GALNTL6: variants seen among roughly 807,000 people sequenced by gnomAD.
The protein encoded by GALNTL6 is polypeptide N-acetylgalactosaminyltransferase-like 6.
GALNTL6 carries 46 observed loss-of-function variants against 73.7 expected under a neutral mutation model. The ratio of observed to expected loss-of-function variants is 0.62; its 90% CI spans 0.49 to 0.80. The LOEUF (loss-of-function observed/expected upper bound fraction) is 0.80, where lower values mean the gene tolerates loss of function less well. GALNTL6 is among the 30% of genes least tolerant of loss of function. The pLI, the probability that GALNTL6 is intolerant of heterozygous loss-of-function variation, is 0.00. For synonymous variants in GALNTL6, 259 were observed against 263.7 expected (o/e 0.98, Z 0.17); for missense variants, 604 against 755.0 (o/e 0.80, Z 2.34).
chr4:172,589,386 G>C (rs1737548826), intron 5 of GALNTL6, among the ~76,000 whole-genome samples: 1 of 152,164 alleles, frequency 6.6e-6, no homozygotes, highest in Admixed American at 6.5e-5. Flanking sequence ...TTGAACTTGA[G>C]AATCTTTTAT....
At chr4:172,493,533 C>T (rs1248892402) in intron 5 of GALNTL6, among the ~76,000 whole-genome samples, 2 of 152,078 alleles carry the variant, frequency 1.3e-5, no homozygotes, top group Non-Finnish European at 2.9e-5. Flanking sequence ...CCAATATTTC[C>T]AACACTTACT....
At chr4:172,001,373 A>G (rs535406301) in intron 2 of GALNTL6, among the ~76,000 whole-genome samples, 1 of 152,262 alleles carries the variant, frequency 6.6e-6, no homozygotes, top group South Asian at 2.1e-4. Flanking sequence ...GGGTACAAAT[A>G]CTGTCATTTA....
intron 12 of GALNTL6, among the ~76,000 whole-genome samples, chr4:173,033,385 CAAA>C (rs56814083): frequency 0.3 from 42,347 of 142,484 alleles, 6,246 homozygotes; most frequent in Non-Finnish European, 0.34. Flanking sequence ...TTCTAGCTGT[CAAA>C]AAAAAAAAAA....
chr4:172,422,530 C>G (rs979120844), intron 5 of GALNTL6, among the ~76,000 whole-genome samples: 1 of 151,948 alleles, frequency 6.6e-6, no homozygotes, highest in African/African-American at 2.4e-5. Flanking sequence ...TGTCCCAAGA[C>G]TTCGTTCTTG....
rs549022808 is a variant in GALNTL6, at chr4:173,002,727, G to A, written c.1372-6451G>A. 4.0e-5 allele frequency among the ~76,000 whole-genome samples: 6 copies of A among 151,120 alleles called. No individual in the cohort carries two copies. The South Asian group carries it at 8.4e-4, about 21-fold the overall frequency. On this transcript the variant is annotated intron_variant, in intron 10 of 12. Transcript: ENST00000506823. ...GGAGAATCACTTGAACCCAGGAGGC[G>A]GAGGTTGCAGTGAGCCGAGATCGGG... is the stretch of plus-strand genomic sequence containing the variant.
intron 5 of GALNTL6, among the ~76,000 whole-genome samples, chr4:172,377,391 G>T (rs909309316): frequency 6.6e-6 from 1 of 152,220 alleles, no homozygotes; most frequent in Admixed American, 6.5e-5. Context: ...GACACAGAGT[G>T]CTGATTGGTG....
At chr4:172,636,392 C>T (rs1347757974) in intron 5 of GALNTL6, among the ~76,000 whole-genome samples, 1 of 152,178 alleles carries the variant, frequency 6.6e-6, no homozygotes, top group Non-Finnish European at 1.5e-5. Flanking sequence ...CAAATGTTTC[C>T]TTACATGGCA....
At chr4:172,957,392 G>T (rs181763092) in intron 10 of GALNTL6, among the ~76,000 whole-genome samples, 1 of 152,190 alleles carries the variant, frequency 6.6e-6, no homozygotes, top group Non-Finnish European at 1.5e-5. Context: ...AGAACCATTT[G>T]TCTTGTGTGG....
intron 5 of GALNTL6, among the ~76,000 whole-genome samples, chr4:172,592,099 A>T (rs76206434): frequency 0.031 from 4,724 of 152,274 alleles, 116 homozygotes; most frequent in South Asian, 0.086. Flanking sequence ...TTTTAAAAAG[A>T]GGTTTATTTA....
rs148421453 is a variant in GALNTL6 at position 172,769,990 on chromosome 4, G to A, written c.554-39371G>A. ...AACAAATGAGCTTTTATAGCTGGGC[G>A]CGGTGGCTCACACCTGTAATCCCAG... On this transcript the variant is annotated intron_variant, in intron 5 of 12. Coordinates refer to ENST00000506823, the MANE Select transcript of GALNTL6 (RefSeq NM_001034845.3). Among the ~76,000 whole-genome samples, 449 of 152,220 alleles carry A rather than the reference G, an allele frequency of 2.9e-3. 2 individuals carry two copies. Among genetic ancestry groups the A allele is most frequent in the African/African-American group, 9.2e-3 (380 of 41,516 alleles).
At chr4:172,530,091 A>G (rs1460721603) in intron 5 of GALNTL6, among the ~76,000 whole-genome samples, 2 of 151,890 alleles carry the variant, frequency 1.3e-5, no homozygotes, top group Non-Finnish European at 2.9e-5. Context: ...AGCTAGAAGG[A>G]CATCTGGATT....
chr4:172,979,317 G>T (rs996687243), intron 10 of GALNTL6, among the ~76,000 whole-genome samples: 3 of 152,180 alleles, frequency 2.0e-5, no homozygotes, highest in Non-Finnish European at 4.4e-5. Flanking sequence ...CAAAGTAAAA[G>T]TGACCAAATA....
intron 5 of GALNTL6, among the ~76,000 whole-genome samples, chr4:172,561,441 C>T (rs1322667144): frequency 6.6e-6 from 1 of 151,984 alleles, no homozygotes; most frequent in Non-Finnish European, 1.5e-5. Flanking sequence ...GGTAGAAACA[C>T]CAGTGATTAA....
At chr4:173,004,313 A>G (rs1752177449) in intron 10 of GALNTL6, among the ~76,000 whole-genome samples, 1 of 152,198 alleles carries the variant, frequency 6.6e-6, no homozygotes, top group South Asian at 2.1e-4. Context: ...CTCTGCAAAT[A>G]AATTTGCATT....
intron 8 of GALNTL6, among the ~76,000 whole-genome samples, chr4:172,887,301 G>A (rs1293919074): frequency 1.3e-5 from 2 of 152,086 alleles, no homozygotes; most frequent in African/African-American, 4.8e-5. Context: ...ACATATGAGT[G>A]CATATGTCTT....
At chr4:172,813,804 A>G in intron 7 of GALNTL6, 81 bp downstream of exon 7, 1 of 1,069,036 alleles carries the variant, frequency 9.4e-7, no homozygotes, top group South Asian at 1.9e-5. Context: ...CAAGAAGACA[A>G]TTATCTCTAA....
At chr4:172,641,305 G>A (rs1739964855) in intron 5 of GALNTL6, among the ~76,000 whole-genome samples, 1 of 151,998 alleles carries the variant, frequency 6.6e-6, no homozygotes, top group Non-Finnish European at 1.5e-5. Context: ...ATCCTTCAAT[G>A]GCTTGACGTT....
At chr4:172,541,943 C>T (rs1735564098) in intron 5 of GALNTL6, among the ~76,000 whole-genome samples, 1 of 152,006 alleles carries the variant, frequency 6.6e-6, no homozygotes, top group Non-Finnish European at 1.5e-5. Flanking sequence ...GGAGACTGCT[C>T]TTCCCTGGCT....
At chr4:172,502,439 A>AT (rs1734292902) in intron 5 of GALNTL6, among the ~76,000 whole-genome samples, 1 of 151,974 alleles carries the variant, frequency 6.6e-6, no homozygotes, top group African/African-American at 2.4e-5. Flanking sequence ...AAAATTAGTC[A>AT]TTTTTCAAAT....
Sources: allele counts gnomAD v4.1 joint callset (sites outside exome capture counted in the v4.1 genomes callset), GRCh38; gene constraint gnomAD v4.1.1; transcripts MANE v1.5; gene names NCBI Gene and HGNC (gene_info 2026-07-23, HGNC 2026-07-21).